The following GSN variants were observed in gnomAD, a reference collection of about 807,000 sequenced individuals.
GSN encodes gelsolin.
Under a neutral mutation model 85.7 loss-of-function variants are expected in GSN, and 56 were observed. The ratio of observed to expected loss-of-function variants is 0.65; its 90% CI spans 0.53 to 0.82. The LOEUF is 0.82. Among genes scored for constraint, GSN ranks in the 40% least tolerant of loss-of-function variants. The pLI is 0.00. For synonymous variants in GSN, 373 were observed against 399.1 expected, an observed-to-expected ratio of 0.93 and a Z score of 0.78; for missense variants, 857 against 979.8, an observed-to-expected ratio of 0.87 and a Z score of 1.67.
intron 6 of GSN, among the ~76,000 whole-genome samples, chr9:121,254,331 C>A (rs942490141): frequency 6.6e-6 from 1 of 152,200 alleles, no homozygotes; most frequent in Admixed American, 6.5e-5. Flanking sequence ...GAAACAAGAT[C>A]ACCTGCTCTA....
intron 10 of GSN, among the ~76,000 whole-genome samples, chr9:121,319,515 G>T (rs1328792831): frequency 2.7e-5 from 4 of 150,694 alleles, no homozygotes; most frequent in Admixed American, 6.6e-5. Context: ...TAGAGACAGG[G>T]TCTCGCTATG....
At chr9:121,223,070 C>G (rs1590345) in intron 4 of GSN, 4 of 152,002 alleles carry the variant, frequency 2.6e-5, no homozygotes. Context: ...TTTTCCCTTA[C>G]CAGTCCGGCG....
At chr9:121,210,374 C>A (rs2053949764) in intron 3 of GSN, 1 of 152,226 alleles carries the variant, frequency 6.6e-6, no homozygotes, top group Non-Finnish European at 1.5e-5. Context: ...CAAAGTAGCA[C>A]ACATCACTTA....
intron 1 of GSN, among the ~76,000 whole-genome samples, chr9:121,278,288 G>A (rs923114891): frequency 6.6e-6 from 1 of 152,128 alleles, no homozygotes; most frequent in Non-Finnish European, 1.5e-5. Flanking sequence ...AGAGTTTAAC[G>A]CTTGGAAGGT....
chr9:121,298,009 G>A (rs1056081978), intron 2 of GSN, among the ~76,000 whole-genome samples: 11 of 152,066 alleles, frequency 7.2e-5, no homozygotes, highest in African/African-American at 2.2e-4. Context: ...GGAAGGGAGA[G>A]CTCTCTGAAT....
In GSN at chr9:121,332,437, A is replaced by C. The variant is rs1419362134; in HGVS notation, c.2030A>C (p.Lys677Thr). The C allele has an allele frequency of 1.2e-6, 2 of 1,613,874 alleles. No individual in the cohort carries two copies. The highest frequency in any genetic ancestry group is 1.7e-6 in the Non-Finnish European group (2 of 1,179,876). ...TTTCTTGCACGTGTGTCTGCAGCTA[A>C]GCGGTACATCGAGACGGACCCAGCC... is the stretch of plus-strand genomic sequence containing the variant. ...EEKTEALTSA[K>T]RYIETDPANR... The change falls in exon 18 of 18, where the codon AAG becomes ACG. Residue 677 changes from lysine (K) to threonine (T), a missense_variant. Transcript: ENST00000432226. The surrounding 1 kb of genome is among the most constrained non-coding windows in gnomAD (Gnocchi z 4.8).
At chr9:121,323,348 A>G (rs1481561748) in intron 11 of GSN, among the ~76,000 whole-genome samples, 2 of 146,958 alleles carry the variant, frequency 1.4e-5, no homozygotes, top group East Asian at 4.0e-4. Context: ...CTTTACCTAA[A>G]TTTCCTCAGT....
intron 8 of GSN, 25 bp downstream of exon 8, chr9:121,317,243 C>A: frequency 6.2e-7 from 1 of 1,613,258 alleles, no homozygotes; most frequent in Non-Finnish European, 8.5e-7. Context: ...GAAAGGGTCC[C>A]AACTGGCCTG....
intron 2 of GSN, among the ~76,000 whole-genome samples, chr9:121,293,384 G>A (rs2132954993): frequency 6.7e-6 from 1 of 148,230 alleles, no homozygotes; most frequent in Non-Finnish European, 1.5e-5. Flanking sequence ...TGGAAAAGGG[G>A]AAGGAAACCA....
At chr9:121,324,314 C>T (rs750718170) in intron 11 of GSN, among the ~76,000 whole-genome samples, 18 of 152,262 alleles carry the variant, frequency 1.2e-4, no homozygotes, top group Non-Finnish European at 2.2e-4. Context: ...CTGTGGGACA[C>T]ATTTAGCATA....
At chr9:121,275,932 T>C (rs925692507) in intron 1 of GSN, among the ~76,000 whole-genome samples, 1 of 152,208 alleles carries the variant, frequency 6.6e-6, no homozygotes, top group South Asian at 2.1e-4. Context: ...TTGGAATGTT[T>C]GGGGCATAAT....
chr9:121,306,335 T>C (rs2060417602), intron 4 of GSN, among the ~76,000 whole-genome samples: 1 of 152,252 alleles, frequency 6.6e-6, no homozygotes, highest in South Asian at 2.1e-4. Flanking sequence ...AATTCATTTT[T>C]CTTTGTTTTA....
chr9:121,291,488 G>A (rs1163442130), intron 2 of GSN, among the ~76,000 whole-genome samples: 2 of 145,252 alleles, frequency 1.4e-5, no homozygotes, highest in African/African-American at 5.1e-5. Context: ...GCGCGATCTC[G>A]GCTCACCGCA....
At chr9:121,300,794 G>C (rs2133170871) in intron 2 of GSN, among the ~76,000 whole-genome samples, 1 of 152,266 alleles carries the variant, frequency 6.6e-6, no homozygotes, top group African/African-American at 2.4e-5. Flanking sequence ...CAGGAGGGAG[G>C]AGGCAGACAG....
intron 2 of GSN, among the ~76,000 whole-genome samples, chr9:121,301,293 A>G (rs1361461920): frequency 2.0e-5 from 3 of 152,110 alleles, no homozygotes; most frequent in Non-Finnish European, 4.4e-5. Flanking sequence ...GAGTCCCTTC[A>G]TCTCTCTGTG....
intron 2 of GSN, among the ~76,000 whole-genome samples, chr9:121,290,906 G>A (rs1261150881): frequency 2.0e-5 from 3 of 151,776 alleles, no homozygotes; most frequent in African/African-American, 7.3e-5. Flanking sequence ...TGAACTCTGG[G>A]GCTCAAGTGA....
chr9:121,325,639 G>A (rs112123043), intron 12 of GSN, among the ~76,000 whole-genome samples: 17 of 152,298 alleles, frequency 1.1e-4, no homozygotes, highest in African/African-American at 3.1e-4. Flanking sequence ...GACAACAACT[G>A]TGCTTCCTCC....
chr9:121,293,477 G>A (rs1458887977), intron 2 of GSN, among the ~76,000 whole-genome samples: 2 of 151,754 alleles, frequency 1.3e-5, no homozygotes, highest in Admixed American at 6.6e-5. Context: ...GGCCGGGCGC[G>A]GTGGTTCACA....
intron 12 of GSN, among the ~76,000 whole-genome samples, chr9:121,325,439 T>A (rs1313664749): frequency 6.6e-6 from 1 of 152,018 alleles, no homozygotes; most frequent in Non-Finnish European, 1.5e-5. Flanking sequence ...ATGCCATGAT[T>A]TGAGGCTAGA....
Sources: allele counts gnomAD v4.1 joint callset (sites outside exome capture counted in the v4.1 genomes callset), GRCh38; gene constraint gnomAD v4.1.1; non-coding constraint Gnocchi (gnomAD v3.1); transcripts MANE v1.5; gene names NCBI Gene and HGNC (gene_info 2026-07-23, HGNC 2026-07-21).